RBFOX1: variants seen among roughly 807,000 people sequenced by gnomAD.
RBFOX1 encodes RNA binding fox-1 homolog 1.
In RBFOX1, 8 loss-of-function variants were observed where a neutral mutation model predicts 57.7. The observed-to-expected ratio is 0.14, with a 90% CI of 0.08 to 0.25. RBFOX1 has a LOEUF of 0.25. RBFOX1 is among the 10% of genes least tolerant of loss of function. The pLI, the probability that RBFOX1 is intolerant of heterozygous loss-of-function variation, is 1.00. For synonymous variants in RBFOX1, 326 were observed against 222.4 expected, an observed-to-expected ratio of 1.47 and a Z score of -4.15; for missense variants, 611 against 548.5, an observed-to-expected ratio of 1.11 and a Z score of -1.14.
chr16:7,177,017 C>T (rs959350349), intron 4 of RBFOX1, among the ~76,000 whole-genome samples: 1 of 152,156 alleles, frequency 6.6e-6, no homozygotes, highest in Non-Finnish European at 1.5e-5. Flanking sequence ...CATGAAGTCT[C>T]ATTGAGCACA....
At chr16:6,716,083 C>A (rs1206024815) in intron 3 of RBFOX1, among the ~76,000 whole-genome samples, 6 of 152,104 alleles carry the variant, frequency 3.9e-5, no homozygotes, top group Admixed American at 6.6e-5. Context: ...GCCCTGGTGA[C>A]AATATGTGTT....
chr16:6,197,430 A>G (rs1225192009), intron 1 of RBFOX1, among the ~76,000 whole-genome samples: 1 of 151,954 alleles, frequency 6.6e-6, no homozygotes, highest in African/African-American at 2.4e-5. Flanking sequence ...CAGCTTACCC[A>G]TGTTGGGGAC....
rs560600639 is a variant in RBFOX1, at chr16:7,713,082, C to T, written c.*2337C>T. 3.9e-5 allele frequency: 6 copies of T among 152,116 alleles called. No individual in the cohort carries two copies. The highest frequency in any genetic ancestry group is 1.3e-4 in the Admixed American group (2 of 15,282). 9.4% of individuals were successfully genotyped at this position (152,116 alleles called of 1,614,324 possible). On this transcript the variant is annotated 3_prime_UTR_variant, in exon 16 of 16. Coordinates refer to ENST00000550418, the MANE Select transcript of RBFOX1 (RefSeq NM_018723.4). ...AATGTATGTCAGAGATGTAAACAAACATTTTGGATTTTTTTTAAACAGTAT... is the reference window on the plus strand; with the variant it reads ...AATGTATGTCAGAGATGTAAACAAATATTTTGGATTTTTTTTAAACAGTAT...
intron 4 of RBFOX1, among the ~76,000 whole-genome samples, chr16:7,515,078 A>G (rs1428504037): frequency 3.3e-5 from 5 of 152,112 alleles, no homozygotes; most frequent in Non-Finnish European, 7.3e-5. Flanking sequence ...CAGATCTTTG[A>G]GCAGAAGCTG....
chr16:7,046,964 T>G (rs1449085264), intron 3 of RBFOX1, among the ~76,000 whole-genome samples: 2 of 151,660 alleles, frequency 1.3e-5, no homozygotes, highest in South Asian at 2.1e-4. Context: ...TTCATGCACT[T>G]CCCTCCCCCC....
intron 4 of RBFOX1, among the ~76,000 whole-genome samples, chr16:7,084,114 C>T (rs2059617348): frequency 6.6e-6 from 1 of 152,130 alleles, no homozygotes; most frequent in Non-Finnish European, 1.5e-5. Context: ...ATGTGTGGGA[C>T]AGACCTGGTA....
intron 1 of RBFOX1, among the ~76,000 whole-genome samples, chr16:6,291,414 C>G (rs1390207145): frequency 6.6e-6 from 1 of 152,162 alleles, no homozygotes; most frequent in Non-Finnish European, 1.5e-5. Flanking sequence ...GGAATTGTTT[C>G]TTTTCTAGAT....
chr16:6,758,197 C>A (rs111771031), intron 3 of RBFOX1, among the ~76,000 whole-genome samples: 3 of 152,006 alleles, frequency 2.0e-5, no homozygotes, highest in Non-Finnish European at 2.9e-5. Context: ...GATTTGAGAT[C>A]CAAGATAACT....
intron 4 of RBFOX1, among the ~76,000 whole-genome samples, chr16:7,168,512 A>G (rs1288631933): frequency 6.6e-6 from 1 of 152,224 alleles, no homozygotes; most frequent in Admixed American, 6.5e-5. Flanking sequence ...CATTTGGCTC[A>G]TACTGGTACA....
intron 1 of RBFOX1, among the ~76,000 whole-genome samples, chr16:5,300,002 G>C (rs1009536220): frequency 2.0e-5 from 3 of 151,590 alleles, no homozygotes; most frequent in Non-Finnish European, 4.4e-5. Context: ...TAAAAATCAT[G>C]AATGGGTGTT....
chr16:7,245,817 C>T (rs2094272402), intron 4 of RBFOX1, among the ~76,000 whole-genome samples: 1 of 152,154 alleles, frequency 6.6e-6, no homozygotes, highest in African/African-American at 2.4e-5. Flanking sequence ...GCACTTCATA[C>T]ACTCATGCAA....
At chr16:6,480,957 C>T (rs889757183) in intron 2 of RBFOX1, among the ~76,000 whole-genome samples, 5 of 152,128 alleles carry the variant, frequency 3.3e-5, no homozygotes, top group Non-Finnish European at 7.4e-5. Context: ...TTGCCTCCCC[C>T]CACAACCCCA....
intron 2 of RBFOX1, among the ~76,000 whole-genome samples, chr16:5,536,994 A>C (rs988441786): frequency 6.6e-6 from 1 of 152,234 alleles, no homozygotes; most frequent in Non-Finnish European, 1.5e-5. Context: ...CTATCACTGC[A>C]TAACAAGGAT....
chr16:6,610,741 CA>C (rs1357336651), intron 2 of RBFOX1, among the ~76,000 whole-genome samples: 2 of 152,212 alleles, frequency 1.3e-5, no homozygotes, highest in African/African-American at 4.8e-5. Context: ...TTCCGCCAAA[CA>C]ATCACTACCA....
At chr16:7,487,329 C>G (rs905707479) in intron 4 of RBFOX1, among the ~76,000 whole-genome samples, 1 of 152,198 alleles carries the variant, frequency 6.6e-6, no homozygotes. Flanking sequence ...GCTCCACGCC[C>G]TCATACTCAT....
At chr16:6,095,409 T>G (rs2096232807) in intron 1 of RBFOX1, among the ~76,000 whole-genome samples, 2 of 152,194 alleles carry the variant, frequency 1.3e-5, no homozygotes, top group East Asian at 1.9e-4. Flanking sequence ...GTCTGTGCAC[T>G]TTCTGTGGAG....
At chr16:7,588,000 G>A (rs1477366680) in intron 7 of RBFOX1, among the ~76,000 whole-genome samples, 1 of 152,116 alleles carries the variant, frequency 6.6e-6, no homozygotes, top group Non-Finnish European at 1.5e-5. Context: ...GCAACATGGT[G>A]GAACCTCGTC....
chr16:7,394,810 G>A (rs2098114658), intron 4 of RBFOX1, among the ~76,000 whole-genome samples: 1 of 152,126 alleles, frequency 6.6e-6, no homozygotes, highest in African/African-American at 2.4e-5. Context: ...CGCTGCTGCA[G>A]ACTCATCCAG....
chr16:5,873,397 T>A (rs1259710590), intron 4 of RBFOX1, among the ~76,000 whole-genome samples: 2 of 152,210 alleles, frequency 1.3e-5, no homozygotes, highest in African/African-American at 2.4e-5. Flanking sequence ...CAATGAGCAC[T>A]CTTGGCCTTG....
Sources: gnomAD v4.1 joint callset for allele counts (sites outside exome capture counted in the v4.1 genomes callset) on GRCh38, gnomAD v4.1.1 for gene constraint, MANE v1.5 for transcripts, NCBI Gene and HGNC (gene_info 2026-07-23, HGNC 2026-07-21) for gene names.